The following GNS variants were observed in gnomAD, a reference collection of about 807,000 sequenced individuals.
The protein encoded by GNS is glucosamine (N-acetyl)-6-sulfatase.
GNS carries 40 observed loss-of-function variants against 69.7 expected under a neutral mutation model. The observed-to-expected ratio is 0.57, with a 90% CI of 0.45 to 0.75. GNS has a LOEUF of 0.75. GNS is among the 30% of genes least tolerant of loss of function. The pLI is 0.00. For synonymous variants in GNS, 243 were observed against 251.6 expected (o/e 0.97, Z 0.32); for missense variants, 565 against 685.5 (o/e 0.82, Z 1.96).
intron 1 of GNS, among the ~76,000 whole-genome samples, chr12:64,757,639 C>T (rs1458796328): frequency 6.6e-6 from 1 of 152,200 alleles, no homozygotes; most frequent in South Asian, 2.1e-4. Context: ...AGCTCTTGAG[C>T]ATCAACCTAA....
chr12:64,757,544 TAACA>T (rs1412003443), intron 1 of GNS, among the ~76,000 whole-genome samples: 3 of 152,128 alleles, frequency 2.0e-5, no homozygotes, highest in African/African-American at 7.2e-5. Context: ...TGGTAGAAAC[TAACA>T]GACAATGAAG....
At chr12:64,736,310 T>C (rs761317106) in intron 9 of GNS, among the ~76,000 whole-genome samples, 1 of 152,184 alleles carries the variant, frequency 6.6e-6, no homozygotes, top group Non-Finnish European at 1.5e-5. Flanking sequence ...TTATGGCAGT[T>C]CTAGGAGAGA....
chr12:64,740,277 T>C (rs1177588637), intron 7 of GNS, among the ~76,000 whole-genome samples: 1 of 152,216 alleles, frequency 6.6e-6, no homozygotes, highest in African/African-American at 2.4e-5. Context: ...TTTGGGTCAT[T>C]TGTCACATAT....
intron 7 of GNS, among the ~76,000 whole-genome samples, chr12:64,740,133 A>C (rs1162634110): frequency 2.0e-5 from 3 of 152,210 alleles, no homozygotes; most frequent in Admixed American, 6.5e-5. Context: ...GCCCCTTTAC[A>C]GAAAAAGTTT....
chr12:64,753,062 C>T (rs1055264437), intron 1 of GNS: 1 of 368,514 alleles, frequency 2.7e-6, no homozygotes, highest in African/African-American at 2.1e-5. Context: ...AGACCTATCT[C>T]CATGAATTAA....
Position 64,729,017 on chromosome 12 carries a change from T to C in GNS, c.1139A>G (p.Asp380Gly), listed in dbSNP as rs1869300160. ...CTTATTTAGGTCGTAGCCAGCAATG[T>C]CCAAAATAGTAGGACCCAAGTCAAT... Reference protein sequence around the residue: ...ANIDLGPTILDIAGYDLNKTQ... With the variant: ...ANIDLGPTILGIAGYDLNKTQ... The change falls in exon 10 of 14, where the codon GAC (aspartate) becomes GGC (glycine). Residue 380 changes from aspartate (D) to glycine (G), a missense_variant. Coordinates refer to ENST00000258145, the MANE Select transcript of GNS (RefSeq NM_002076.4). The C allele has an allele frequency of 6.2e-7, 1 of 1,601,232 alleles. No homozygotes were observed.
chr12:64,744,720 G>T (rs1175702040), intron 5 of GNS, 89 bp downstream of exon 5: 1 of 768,730 alleles, frequency 1.3e-6, no homozygotes, highest in South Asian at 1.4e-5. Flanking sequence ...CAACACAAAC[G>T]AATAAGATTA....
At chr12:64,720,400 G>A (rs944020967) in intron 12 of GNS, among the ~76,000 whole-genome samples, 1 of 152,166 alleles carries the variant, frequency 6.6e-6, no homozygotes, top group African/African-American at 2.4e-5. Context: ...AGTTGCTTCG[G>A]GTCTCTAGCC....
At chr12:64,752,273 T>G (rs1870104831) in intron 2 of GNS, among the ~76,000 whole-genome samples, 1 of 152,222 alleles carries the variant, frequency 6.6e-6, no homozygotes, top group Non-Finnish European at 1.5e-5. Flanking sequence ...CACTTGGTTA[T>G]GTACATGGTT....
chr12:64,743,210 T>C lies in GNS; in HGVS notation c.723A>G (p.Ala241=), dbSNP rs770999308. ...TPAPHSPWTA[A]PQYQKAFQNV... Reference sequence around the variant, plus strand: ...TCTGGAAAGCCTTCTGGTACTGAGGTGCAGCTGTCCAAGGCGAATGAGGCG... The same window carrying C: ...TCTGGAAAGCCTTCTGGTACTGAGGCGCAGCTGTCCAAGGCGAATGAGGCG... Residue 241 remains alanine, a synonymous_variant, in exon 6 of 14, where the codon GCA becomes GCG. Coordinates refer to ENST00000258145, the MANE Select transcript of GNS (RefSeq NM_002076.4). 3.4e-5 allele frequency: 55 copies of C among 1,612,976 alleles called. No individual in the cohort carries two copies. The South Asian group carries it at 5.3e-4, about 15-fold the overall frequency.
At chr12:64,740,499 C>G in intron 7 of GNS, 107 bp downstream of exon 7, 1 of 763,594 alleles carries the variant, frequency 1.3e-6, no homozygotes, top group Admixed American at 1.8e-5. Flanking sequence ...GACTTGCTTC[C>G]CTCTGTTTTT....
At chr12:64,722,625 G>A (rs1479190329) in intron 11 of GNS, among the ~76,000 whole-genome samples, 6 of 152,200 alleles carry the variant, frequency 3.9e-5, no homozygotes, top group African/African-American at 1.2e-4. Flanking sequence ...CCGCCAATGC[G>A]AGGCACTCAT....
chr12:64,755,618 T>C (rs1177307013), intron 1 of GNS, among the ~76,000 whole-genome samples: 3 of 149,966 alleles, frequency 2.0e-5, no homozygotes, highest in Non-Finnish European at 4.4e-5. Flanking sequence ...CCTTTCATCA[T>C]AGTTTCTTCT....
At chr12:64,727,914 T>TA (rs1046469898) in intron 10 of GNS, among the ~76,000 whole-genome samples, 4 of 151,298 alleles carry the variant, frequency 2.6e-5, no homozygotes, top group African/African-American at 4.9e-5. Context: ...ATTGGACACT[T>TA]AAAAAAAAAT....
At chr12:64,755,510 G>A (rs568004466) in intron 1 of GNS, among the ~76,000 whole-genome samples, 13 of 150,304 alleles carry the variant, frequency 8.6e-5, no homozygotes, top group African/African-American at 2.4e-4. Context: ...CTCAGGAGAA[G>A]GAGGTTGCAG....
intron 2 of GNS, among the ~76,000 whole-genome samples, chr12:64,749,283 C>T (rs1459368846): frequency 3.6e-4 from 41 of 114,990 alleles, no homozygotes; most frequent in African/African-American, 1.2e-3. Context: ...GACACATTCT[C>T]GCTCTATTGC....
At chr12:64,720,564 A>G (rs530270423) in intron 12 of GNS, among the ~76,000 whole-genome samples, 1 of 152,246 alleles carries the variant, frequency 6.6e-6, no homozygotes, top group Non-Finnish European at 1.5e-5. Context: ...TAAAGTTACT[A>G]AAGTGAGAGC....
At chr12:64,739,269 T>C (rs1178979277) in intron 8 of GNS, 112 bp downstream of exon 8, 2 of 786,432 alleles carry the variant, frequency 2.5e-6, no homozygotes, top group African/African-American at 3.4e-5. Context: ...AGATCCTCCC[T>C]CTGGCATGTC....
At chr12:64,724,862 G>GA (rs1050166555) in intron 10 of GNS, among the ~76,000 whole-genome samples, 14 of 152,040 alleles carry the variant, frequency 9.2e-5, no homozygotes, top group African/African-American at 2.9e-4. Context: ...CTCTGTCTCG[G>GA]AAAAAACAAA....
Sources: gnomAD v4.1 joint callset for allele counts (sites outside exome capture counted in the v4.1 genomes callset) on GRCh38, gnomAD v4.1.1 for gene constraint, MANE v1.5 for transcripts, NCBI Gene and HGNC (gene_info 2026-07-23, HGNC 2026-07-21) for gene names.